Variants in CDC73 observed in about 807,000 individuals in gnomAD.
CDC73 encodes cell division cycle 73.
A neutral mutation model predicts 83.7 loss-of-function variants in CDC73; 21 were observed. The ratio of observed to expected loss-of-function variants is 0.25; its 90% CI spans 0.18 to 0.36. The LOEUF (loss-of-function observed/expected upper bound fraction) is 0.36, where lower values mean the gene tolerates loss of function less well. Among genes scored for constraint, CDC73 ranks in the 10% least tolerant of loss-of-function variants. The probability of loss-of-function intolerance (pLI) is 1.00; values close to 1 mark genes in which losing one functional copy is unlikely to be tolerated. For synonymous variants in CDC73, 224 were observed against 212.9 expected (o/e 1.05, Z -0.45); for missense variants, 342 against 653.3 (o/e 0.52, Z 5.19).
At chr1:193,200,931 T>C (rs1677081408) in intron 10 of CDC73, among the ~76,000 whole-genome samples, 1 of 152,170 alleles carries the variant, frequency 6.6e-6, no homozygotes, top group African/African-American at 2.4e-5. Flanking sequence ...GCTTTTAGCC[T>C]CTTGGGTGGT....
intron 10 of CDC73, among the ~76,000 whole-genome samples, chr1:193,201,190 CA>C (rs1423575009): frequency 2.0e-5 from 3 of 152,000 alleles, no homozygotes; most frequent in South Asian, 2.1e-4. Flanking sequence ...AATTAGGTAA[CA>C]TTTTTTTTCT....
At chr1:193,185,057 T>C (rs1323213637) in intron 10 of CDC73, among the ~76,000 whole-genome samples, 1 of 152,060 alleles carries the variant, frequency 6.6e-6, no homozygotes, top group African/African-American at 2.4e-5. Flanking sequence ...TGCACACACA[T>C]ATAGTGGCGG....
chr1:193,235,684 A>C (rs868158227), intron 14 of CDC73, among the ~76,000 whole-genome samples: 1 of 152,226 alleles, frequency 6.6e-6, no homozygotes, highest in Non-Finnish European at 1.5e-5. Context: ...TTTAGGGTGA[A>C]TGAAACAGTT....
chr1:193,200,308 A>G (rs937584500), intron 10 of CDC73, among the ~76,000 whole-genome samples: 4 of 152,186 alleles, frequency 2.6e-5, no homozygotes, highest in Admixed American at 6.5e-5. Context: ...CTTGCAACAA[A>G]TATTTTTTTC....
At chr1:193,138,055 TTAAA>T in intron 5 of CDC73, 26 bp from the exon 6 acceptor site, 1 of 1,521,414 alleles carries the variant, frequency 6.6e-7, no homozygotes, top group Non-Finnish European at 9.1e-7. Flanking sequence ...AATAAAAATT[TTAAA>T]TGCATTAACC....
chr1:193,135,601 G>A lies in CDC73; in HGVS notation c.423+12G>A, dbSNP rs1442957149. The A allele has an allele frequency of 2.5e-6, 4 of 1,587,960 alleles. No homozygotes were observed. The highest frequency in any genetic ancestry group is 3.5e-6 in the Non-Finnish European group (4 of 1,157,962). On this transcript the variant is annotated intron_variant, in intron 5 of 16. Coordinates refer to ENST00000367435, the MANE Select transcript of CDC73 (RefSeq NM_024529.5). Reference sequence around the variant, plus strand: ...AACCACGAATTGAGGTAAAGAAACTGTATTTTAAACAATTTTATTTATATT... The same window carrying A: ...AACCACGAATTGAGGTAAAGAAACTATATTTTAAACAATTTTATTTATATT...
intron 10 of CDC73, among the ~76,000 whole-genome samples, chr1:193,160,426 CA>C (rs1676288936): frequency 6.6e-6 from 1 of 151,876 alleles, no homozygotes; most frequent in African/African-American, 2.4e-5. Flanking sequence ...TGTTAAATAA[CA>C]AAAATTTATA....
At chr1:193,206,512 C>G (rs1475411620) in intron 11 of CDC73, among the ~76,000 whole-genome samples, 1 of 152,128 alleles carries the variant, frequency 6.6e-6, no homozygotes, top group Non-Finnish European at 1.5e-5. Flanking sequence ...TATTTTGCTG[C>G]CAAAACTGTT....
chr1:193,230,345 C>T (rs1464409993), intron 13 of CDC73, among the ~76,000 whole-genome samples: 1 of 151,574 alleles, frequency 6.6e-6, no homozygotes, highest in Non-Finnish European at 1.5e-5. Flanking sequence ...GACGGGATTT[C>T]ACCATGTTGG....
At chr1:193,236,511 A>G (rs1677760718) in intron 15 of CDC73, among the ~76,000 whole-genome samples, 155 bp downstream of exon 15, 1 of 152,224 alleles carries the variant, frequency 6.6e-6, no homozygotes, top group Non-Finnish European at 1.5e-5. Flanking sequence ...ACATATTTTT[A>G]AAAGCTTTGT....
chr1:193,217,873 C>T (rs1401924383), intron 13 of CDC73, among the ~76,000 whole-genome samples: 1 of 152,112 alleles, frequency 6.6e-6, no homozygotes, highest in African/African-American at 2.4e-5. Context: ...CTCTTGCCTT[C>T]CCAGTACTCC....
chr1:193,236,158 TG>T, intron 14 of CDC73, 97 bp from the exon 15 acceptor site: 2 of 801,690 alleles, frequency 2.5e-6, no homozygotes, highest in Non-Finnish European at 4.6e-6. Flanking sequence ...TGAATGTTTA[TG>T]GGACTGTTGC....
intron 10 of CDC73, among the ~76,000 whole-genome samples, chr1:193,185,066 G>A (rs944983075): frequency 6.6e-5 from 10 of 151,946 alleles, no homozygotes; most frequent in African/African-American, 1.2e-4. Context: ...ATATAGTGGC[G>A]GTAGTTCATT....
At chr1:193,226,413 G>A (rs1377784171) in intron 13 of CDC73, among the ~76,000 whole-genome samples, 1 of 152,096 alleles carries the variant, frequency 6.6e-6, no homozygotes, top group East Asian at 1.9e-4. Context: ...CAGACAGAAC[G>A]CTTTAAACTT....
At chr1:193,204,148 A>G (rs2103178350) in intron 11 of CDC73, among the ~76,000 whole-genome samples, 1 of 151,086 alleles carries the variant, frequency 6.6e-6, no homozygotes, top group African/African-American at 2.4e-5. Flanking sequence ...TGTATTAAGC[A>G]GCTGAACTGG....
At chr1:193,249,692 T>G in intron 15 of CDC73, 38 bp from the exon 16 acceptor site, 1 of 1,546,134 alleles carries the variant, frequency 6.5e-7, no homozygotes, top group East Asian at 2.3e-5. Flanking sequence ...TTTTTTATTT[T>G]GAGTAAAAAT....
intron 1 of CDC73, among the ~76,000 whole-genome samples, chr1:193,123,635 A>T (rs1015606888): frequency 2.0e-5 from 3 of 152,050 alleles, no homozygotes; most frequent in Admixed American, 2.0e-4. Context: ...AATAATTTGC[A>T]TAGGTAGAAT....
rs746368285 is a variant in CDC73 at position 193,135,538 on chromosome 1, C to G, written c.372C>G (p.Val124=). The G allele has an allele frequency of 2.5e-6, 4 of 1,613,490 alleles. No homozygotes were observed. In the Admixed American group the frequency reaches 5.0e-5, roughly 20 times the overall value. Residue 124 remains valine, a splice_region_variant and synonymous_variant, in exon 5 of 17, where the codon GTC becomes GTG. Coordinates refer to ENST00000367435, the MANE Select transcript of CDC73 (RefSeq NM_024529.5). ...LEIGLQRSTQ[V]KRAADEVLAE... ...TATTTACTTCTCTTTCTTTTATAGT[C>G]AAACGAGCTGCAGATGAAGTTTTAG... is the stretch of plus-strand genomic sequence containing the variant.
chr1:193,151,553 A>G (rs1246373037), intron 9 of CDC73, among the ~76,000 whole-genome samples: 1 of 152,198 alleles, frequency 6.6e-6, no homozygotes, highest in African/African-American at 2.4e-5. Flanking sequence ...GTGTTAAAAT[A>G]TTTGCCTTTA....
Sources: gnomAD v4.1 joint callset for allele counts (sites outside exome capture counted in the v4.1 genomes callset) on GRCh38, gnomAD v4.1.1 for gene constraint, MANE v1.5 for transcripts, NCBI Gene and HGNC (gene_info 2026-07-23, HGNC 2026-07-21) for gene names.